The following MAPDA variants were observed in gnomAD, a reference collection of about 807,000 sequenced individuals.
The protein encoded by MAPDA is N6,N6-dimethyl-AMP deaminase.
the MAPDA span, among the ~76,000 whole-genome samples, chr15:43,339,571 GT>G: frequency 6.6e-6 from 1 of 152,278 alleles, no homozygotes; most frequent in East Asian, 1.9e-4. Flanking sequence ...AATTACGGCA[GT>G]TTGTCACAGC....
At chr15:43,330,380 A>G in the MAPDA span, 43 of 1,604,232 alleles carry the variant, frequency 2.7e-5, no homozygotes, top group Admixed American at 2.6e-4. Flanking sequence ...CAACGCGGCA[A>G]AGGGGTCCTG....
chr15:43,347,377 C>G, the MAPDA span, among the ~76,000 whole-genome samples: 1 of 152,118 alleles, frequency 6.6e-6, no homozygotes, highest in Non-Finnish European at 1.5e-5. Context: ...GCATGAATTT[C>G]CAACATCAGT....
the MAPDA span, chr15:43,333,580 AC>A: frequency 1.3e-5 from 2 of 152,202 alleles, no homozygotes; most frequent in Non-Finnish European, 2.9e-5. Context: ...TTTATCTCAT[AC>A]TAAGTAGGCC....
chr15:43,351,755 A>T, the MAPDA span: 1 of 1,541,348 alleles, frequency 6.5e-7, no homozygotes, highest in Non-Finnish European at 8.8e-7. Context: ...TGGCAGACTG[A>T]TGATAAGGGT....
chr15:43,338,669 G>A, the MAPDA span, among the ~76,000 whole-genome samples: 2 of 152,290 alleles, frequency 1.3e-5, no homozygotes, highest in South Asian at 2.1e-4. Flanking sequence ...TCAGTCCAGC[G>A]CATAGGAGAG....
At chr15:43,346,033 A>G in the MAPDA span, 1 of 1,607,492 alleles carries the variant, frequency 6.2e-7, no homozygotes, top group Non-Finnish European at 8.5e-7. Flanking sequence ...AATCAGTGGG[A>G]TAAGGACTAG....
the MAPDA span, among the ~76,000 whole-genome samples, chr15:43,342,686 G>T: frequency 1.3e-5 from 2 of 150,930 alleles, no homozygotes; most frequent in African/African-American, 4.9e-5. Context: ...GGAGACAAAG[G>T]TTGCAGTGAG....
chr15:43,332,926 A>T, the MAPDA span, among the ~76,000 whole-genome samples: 3 of 152,156 alleles, frequency 2.0e-5, no homozygotes, highest in Admixed American at 2.0e-4. Flanking sequence ...TTGTCATGGC[A>T]TGCTGTTGTT....
the MAPDA span, chr15:43,330,948 T>G: frequency 6.5e-6 from 1 of 154,194 alleles, no homozygotes; most frequent in Admixed American, 6.5e-5. Context: ...CCACGGACCT[T>G]CAGTAGGCAA....
the MAPDA span, among the ~76,000 whole-genome samples, chr15:43,337,551 G>T: frequency 6.6e-6 from 1 of 152,152 alleles, no homozygotes; most frequent in Non-Finnish European, 1.5e-5. Context: ...GATCTGACTA[G>T]GATGGCATTT....
chr15:43,343,332 T>G, the MAPDA span, among the ~76,000 whole-genome samples: 2 of 152,256 alleles, frequency 1.3e-5, no homozygotes, highest in African/African-American at 2.4e-5. Context: ...AACTTCTTAC[T>G]GTGGCCTACA....
At chr15:43,340,031 C>G in the MAPDA span, among the ~76,000 whole-genome samples, 1 of 152,122 alleles carries the variant, frequency 6.6e-6, no homozygotes, top group Admixed American at 6.5e-5. Flanking sequence ...AGCTGATGTG[C>G]AGATTGGGAT....
chr15:43,334,917 C>G, the MAPDA span: 83,522 of 488,630 alleles, frequency 0.17, 8,018 homozygotes, highest in Middle Eastern at 0.26. Flanking sequence ...GCTTTTACAT[C>G]TGAAAATATT....
the MAPDA span, among the ~76,000 whole-genome samples, chr15:43,350,151 C>T: frequency 6.6e-6 from 1 of 152,056 alleles, no homozygotes; most frequent in East Asian, 1.9e-4. Context: ...CTGCAAGCTC[C>T]ACATCCTGGG....
chr15:43,335,569 G>A, the MAPDA span: 2 of 1,105,266 alleles, frequency 1.8e-6, no homozygotes, highest in African/African-American at 3.2e-5. Flanking sequence ...GGCAAAATTT[G>A]TAAACTTTAT....
At chr15:43,350,992 AGC>A in the MAPDA span, 1 of 1,551,706 alleles carries the variant, frequency 6.4e-7, no homozygotes, top group Non-Finnish European at 8.7e-7. Context: ...TCTTATGACC[AGC>A]ACCATTTCGG....
the MAPDA span, chr15:43,353,522 G>A: frequency 6.6e-6 from 1 of 152,162 alleles, no homozygotes; most frequent in Admixed American, 6.5e-5. Context: ...AGAGTCTCCA[G>A]AGTGATGGCT....
At chr15:43,331,610 G>C in the MAPDA span, among the ~76,000 whole-genome samples, 2 of 152,180 alleles carry the variant, frequency 1.3e-5, no homozygotes, top group Admixed American at 1.3e-4. Flanking sequence ...ATGTTTTCTT[G>C]TGGAACAAAA....
chr15:43,354,139 T>C, the MAPDA span: 8 of 152,270 alleles, frequency 5.3e-5, no homozygotes, highest in Admixed American at 2.6e-4. Context: ...CAAAATTGAT[T>C]GCTTGCTTGA....
Sources: gnomAD v4.1 joint callset for allele counts (sites outside exome capture counted in the v4.1 genomes callset) on GRCh38, gnomAD v4.1.1 for gene constraint, MANE v1.5 for transcripts, NCBI Gene and HGNC (gene_info 2026-07-23, HGNC 2026-07-21) for gene names.